The following IRAK3 variants were observed in gnomAD, a reference collection of about 807,000 sequenced individuals.
The protein encoded by IRAK3 is interleukin-1 receptor-associated kinase 3.
In IRAK3, 57 loss-of-function variants were observed where a neutral mutation model predicts 56.6. The observed-to-expected ratio is 1.01, with a 90% CI of 0.81 to 1.26. IRAK3 has a LOEUF of 1.26. Ranked by LOEUF, IRAK3 falls within the 50% of genes most tolerant of loss-of-function variation. IRAK3 has a pLI of 0.00. For synonymous variants in IRAK3, 258 were observed against 255.7 expected (o/e 1.01, Z -0.09); for missense variants, 703 against 719.0 (o/e 0.98, Z 0.25).
intron 8 of IRAK3, among the ~76,000 whole-genome samples, chr12:66,240,816 C>A (rs2052961019): frequency 6.8e-6 from 1 of 147,522 alleles, no homozygotes; most frequent in Non-Finnish European, 1.5e-5. Context: ...ATATATATAC[C>A]CACATATATA....
intron 8 of IRAK3, among the ~76,000 whole-genome samples, chr12:66,238,893 A>T (rs1258429924): frequency 6.6e-6 from 1 of 152,232 alleles, no homozygotes; most frequent in Non-Finnish European, 1.5e-5. Context: ...CTTAAAGAAA[A>T]GAATCTTGAA....
chr12:66,189,818 C>T (rs867264883), intron 1 of IRAK3, among the ~76,000 whole-genome samples: 15 of 152,294 alleles, frequency 9.8e-5, no homozygotes, highest in African/African-American at 3.6e-4. Context: ...ATTTTTAGAA[C>T]TTTGAGATAC....
intron 11 of IRAK3, among the ~76,000 whole-genome samples, chr12:66,246,300 T>C (rs1344770339): frequency 6.6e-6 from 1 of 152,046 alleles, no homozygotes; most frequent in Non-Finnish European, 1.5e-5. Flanking sequence ...CACAGATAAT[T>C]CAGCATCATG....
At chr12:66,206,399 C>T (rs1263882040) in intron 2 of IRAK3, among the ~76,000 whole-genome samples, 1 of 152,070 alleles carries the variant, frequency 6.6e-6, no homozygotes, top group Non-Finnish European at 1.5e-5. Context: ...ATATTGAGGA[C>T]ATTTTCTTCT....
chr12:66,214,716 AT>A (rs1268371281), intron 5 of IRAK3, among the ~76,000 whole-genome samples: 1 of 152,180 alleles, frequency 6.6e-6, no homozygotes, highest in Non-Finnish European at 1.5e-5. Flanking sequence ...CTTTAAAAAA[AT>A]TGACTTTTAA....
Position 66,252,443 on chromosome 12 carries a change from C to T in IRAK3, c.*4272C>T, listed in dbSNP as rs932096867. 6.6e-6 allele frequency: 1 copy of T among 152,178 alleles called. No individual in the cohort carries two copies. The highest frequency in any genetic ancestry group is 1.9e-4 in the East Asian group (1 of 5,196). 9.4% of individuals were successfully genotyped at this position (152,178 alleles called of 1,614,324 possible). A position where few individuals can be genotyped will look rare whatever the true frequency, so the allele number is the denominator to read the frequency against. On this transcript the variant is annotated 3_prime_UTR_variant, in exon 12 of 12. Transcript: ENST00000261233. ...TGATTCCACAGATTTTTAGTAGGTA[C>T]CATGTCTCCTGCCTTTATCACTATC...
chr12:66,229,318 C>G (rs544676639), intron 8 of IRAK3, among the ~76,000 whole-genome samples: 2 of 152,090 alleles, frequency 1.3e-5, no homozygotes, highest in Admixed American at 6.6e-5. Context: ...GTAAATACCC[C>G]CTGTCGGTGA....
intron 11 of IRAK3, 100 bp downstream of exon 11, chr12:66,245,362 A>G: frequency 1.6e-6 from 2 of 1,255,106 alleles, no homozygotes; most frequent in Non-Finnish European, 2.3e-6. Flanking sequence ...TGTTAATGAG[A>G]CAAATCCAGC....
chr12:66,211,718 G>C, intron 5 of IRAK3, 121 bp downstream of exon 5: 1 of 818,370 alleles, frequency 1.2e-6, no homozygotes, highest in Non-Finnish European at 2.0e-6. Flanking sequence ...TTTATAAGTG[G>C]AAATAAGAGA....
rs2052686122 is a variant in IRAK3 at position 66,217,235 on chromosome 12, TGTGA to T, written c.653+3_653+6del. ...TTATCTGAGCTTGAAGTTTTACTAC[TGTGA>T]GTATGTTTTCTCTGGAATTTCCTCC... On this transcript the variant is annotated splice_donor_variant and splice_donor_region_variant and intron_variant, in intron 6 of 11. Transcript: ENST00000261233. LOFTEE classifies it high-confidence loss of function. 1.2e-6 allele frequency: 2 copies of T among 1,602,904 alleles called. No individual in the cohort carries two copies. Among genetic ancestry groups the T allele is most frequent in the Non-Finnish European group, 1.7e-6 (2 of 1,169,846 alleles).
chr12:66,207,606 G>A (rs1171863624), intron 2 of IRAK3, among the ~76,000 whole-genome samples: 2 of 152,038 alleles, frequency 1.3e-5, no homozygotes, highest in Admixed American at 1.3e-4. Flanking sequence ...TAATGTGAAA[G>A]TTTAGTTTAC....
At position 66,248,197 on chromosome 12, in the gene IRAK3, G is replaced by A. The variant is rs749537577; in HGVS notation, c.*26G>A. 6.4e-7 allele frequency: 1 copy of A among 1,551,490 alleles called. No individual in the cohort carries two copies. The highest frequency in any genetic ancestry group is 8.9e-7 in the Non-Finnish European group (1 of 1,123,552). ...ATTCTACCAGAAGATAAAGAAAAAAGCAAGTATTGCATAGGCACCTGAGCA... is the reference window on the plus strand; with the variant it reads ...ATTCTACCAGAAGATAAAGAAAAAAACAAGTATTGCATAGGCACCTGAGCA... On this transcript the variant is annotated 3_prime_UTR_variant, in exon 12 of 12. Coordinates refer to ENST00000261233, the MANE Select transcript of IRAK3 (RefSeq NM_007199.3).
chr12:66,227,339 T>C (rs2052797182), intron 7 of IRAK3, among the ~76,000 whole-genome samples: 1 of 152,102 alleles, frequency 6.6e-6, no homozygotes, highest in African/African-American at 2.4e-5. Context: ...ACGCCTGTAA[T>C]CCCAGCACTT....
At chr12:66,206,331 A>AT (rs1171832171) in intron 2 of IRAK3, among the ~76,000 whole-genome samples, 1 of 152,194 alleles carries the variant, frequency 6.6e-6, no homozygotes, top group Non-Finnish European at 1.5e-5. Flanking sequence ...AGGGTAAAAC[A>AT]TTCAGTCTTT....
chr12:66,192,994 TG>T (rs1310511244), intron 1 of IRAK3, among the ~76,000 whole-genome samples: 1 of 152,144 alleles, frequency 6.6e-6, no homozygotes, highest in Non-Finnish European at 1.5e-5. Context: ...TAAATAGATG[TG>T]TTTTTTTATG....
In IRAK3 at chr12:66,210,967, T is replaced by C. The variant is rs375429726; in HGVS notation, c.437-479T>C. ...CACTTTGGGTGAGTTTTTAAAAGGC[T>C]GAATCATCTTTCTAATTCACTCTGA... On this transcript the variant is annotated intron_variant, in intron 4 of 11. Transcript: ENST00000261233. Among the ~76,000 whole-genome samples the C allele has an allele frequency of 2.6e-5, 4 of 152,356 alleles. No homozygotes were observed. In the East Asian group the frequency reaches 7.7e-4, roughly 29 times the overall value.
At position 66,245,235 on chromosome 12, in the gene IRAK3, G is replaced by C. The variant is rs757717135; in HGVS notation, c.1287G>C (p.Arg429=). ...FCLAGRCAAT[R]AKLRPSMDEV... ...TGGCAGGCCGGTGTGCTGCAACGCG[G>C]GCAAAGTTAAGACCATCAATGGATG... The change falls in exon 11 of 12, where the codon CGG becomes CGC. Residue 429 remains arginine (R), a synonymous_variant. Coordinates refer to ENST00000261233, the MANE Select transcript of IRAK3 (RefSeq NM_007199.3). 1 of 1,614,056 alleles carries C rather than the reference G, an allele frequency of 6.2e-7. No homozygotes were observed. Among genetic ancestry groups the C allele is most frequent in the East Asian group, 2.2e-5 (1 of 44,874 alleles).
chr12:66,216,693 T>C (rs2052680285), intron 5 of IRAK3, among the ~76,000 whole-genome samples: 1 of 152,218 alleles, frequency 6.6e-6, no homozygotes, highest in South Asian at 2.1e-4. Context: ...AAGAGTTATA[T>C]TTTTATTTGC....
rs976832957 is a variant in IRAK3, at chr12:66,234,970, G to A, written c.887+6600G>A. On this transcript the variant is annotated intron_variant, in intron 8 of 11. Coordinates refer to ENST00000261233, the MANE Select transcript of IRAK3 (RefSeq NM_007199.3). ...GAGCTGCTGCAGGGCTGTCAAAGTC[G>A]ACAAAACCATAACCTTTGCATTTGT... The A allele has an allele frequency of 5.0e-6, 8 of 1,614,046 alleles. No individual in the cohort carries two copies. In the East Asian group the frequency reaches 6.7e-5, roughly 13 times the overall value.
Sources: gnomAD v4.1 joint callset for allele counts (sites outside exome capture counted in the v4.1 genomes callset) on GRCh38, gnomAD v4.1.1 for gene constraint, MANE v1.5 for transcripts, NCBI Gene and HGNC (gene_info 2026-07-23, HGNC 2026-07-21) for gene names.